The following DCX variants were observed in gnomAD, a reference collection of about 807,000 sequenced individuals.
DCX encodes the protein doublecortin.
DCX carries 4 observed loss-of-function variants against 20.9 expected under a neutral mutation model. The ratio of observed to expected loss-of-function variants is 0.19; its 90% CI spans 0.09 to 0.44. DCX has a LOEUF of 0.44. Among genes scored for constraint, DCX ranks in the 20% least tolerant of loss-of-function variants. The pLI, the probability that DCX is intolerant of heterozygous loss-of-function variation, is 0.99. For synonymous variants in DCX, 103 were observed against 111.4 expected, an observed-to-expected ratio of 0.92 and a Z score of 0.47; for missense variants, 133 against 296.9, an observed-to-expected ratio of 0.45 and a Z score of 4.06.
In DCX at chrX:111,312,630, GA is replaced by G; in HGVS notation, c.1044+8del. 1 of 1,204,098 alleles carries G rather than the reference GA, an allele frequency of 8.3e-7. No individual in the cohort carries two copies. The highest frequency in any genetic ancestry group is 1.1e-6 in the Non-Finnish European group (1 of 888,528). ...TGCAAAGAGGTTTAGTAAGGTATAA[GA>G]GACATAATACCTTGTGCTTCCGGAG... On this transcript the variant is annotated splice_region_variant and intron_variant, in intron 6 of 6. Transcript: ENST00000636035.
In DCX at chrX:111,316,094, A is replaced by AAT. The variant is rs1556369845; in HGVS notation, c.947-3359_947-3358insAT. Among the ~76,000 whole-genome samples, 35 of 94,446 alleles carry AAT rather than the reference A, an allele frequency of 3.7e-4. 1 individual carries two copies. Among genetic ancestry groups the AAT allele is most frequent in the African/African-American group, 7.3e-4 (14 of 19,136 alleles). 82.0% of individuals were successfully genotyped at this position (94,446 alleles called of 115,157 possible). A position where few individuals can be genotyped will look rare whatever the true frequency, so the allele number is the denominator to read the frequency against. On this transcript the variant is annotated intron_variant, in intron 5 of 6. Transcript: ENST00000636035. ...TAGAGTATAATAAAAAATAAAAAAA[A>AAT]AAAAAAAAAAAAAAAATGTTAAGGG...
intron 3 of DCX, among the ~76,000 whole-genome samples, chrX:111,378,797 CA>C (rs1448715119): frequency 2.2e-4 from 25 of 111,547 alleles, no homozygotes; most frequent in Non-Finnish European, 4.5e-4. Flanking sequence ...GTGTTCCCTC[CA>C]AAATTCAGGG....
chrX:111,307,727 C>T (rs73545261), intron 6 of DCX, among the ~76,000 whole-genome samples: 8,111 of 111,612 alleles, frequency 0.073, 696 homozygotes, highest in African/African-American at 0.25. Context: ...TTTTTCAGGC[C>T]GTACAAAAGG....
At chrX:111,399,351 G>A (rs1050199348) in intron 3 of DCX, among the ~76,000 whole-genome samples, 4 of 111,337 alleles carry the variant, frequency 3.6e-5, no homozygotes, top group African/African-American at 1.3e-4. Flanking sequence ...GGAGTGTGAG[G>A]TTCAGGACAG....
intron 3 of DCX, among the ~76,000 whole-genome samples, chrX:111,334,191 C>T (rs1304190031): frequency 8.9e-6 from 1 of 111,919 alleles, no homozygotes; most frequent in Non-Finnish European, 1.9e-5. Flanking sequence ...ATCACCCCCA[C>T]CTAAGGTTAA....
At chrX:111,402,750 A>ATGTGTGTGTGTATGTGTGTG in intron 2 of DCX, among the ~76,000 whole-genome samples, 1 of 107,245 alleles carries the variant, frequency 9.3e-6, no homozygotes, top group African/African-American at 3.5e-5. Flanking sequence ...GAGGACATTT[A>ATGTGTGTGTGTATGTGTGTG]TGTGTGTGTG....
intron 5 of DCX, among the ~76,000 whole-genome samples, chrX:111,326,381 T>C (rs1224603643): frequency 9.0e-6 from 1 of 111,555 alleles, no homozygotes; most frequent in Non-Finnish European, 1.9e-5. Context: ...CAAAGTTACA[T>C]AAAGGGAAAA....
intron 3 of DCX, among the ~76,000 whole-genome samples, chrX:111,366,064 T>G (rs1174347095): frequency 1.8e-5 from 2 of 112,460 alleles, no homozygotes; most frequent in African/African-American, 6.5e-5. Context: ...TTGAGAACCA[T>G]TGGTTGAATA....
In DCX at chrX:111,327,680, TAG is replaced by T. The variant is rs199890953; in HGVS notation, c.946+3222_946+3223del. On this transcript the variant is annotated intron_variant, in intron 5 of 6. Coordinates refer to ENST00000636035, the MANE Select transcript of DCX (RefSeq NM_001195553.2). ...AGGAAGTGGCGTAGCTGGGACTTCT[TAG>T]AGAGTCATCTCCCTCTCCTCTTTCA... is the stretch of plus-strand genomic sequence containing the variant. 6.9e-3 allele frequency among the ~76,000 whole-genome samples: 775 copies of T among 112,333 alleles called. 6 individuals carry two copies. Among genetic ancestry groups the T allele is most frequent in the African/African-American group, 0.024 (735 of 30,944 alleles).
At chrX:111,410,615 G>C in intron 1 of DCX, 195 bp from the exon 2 acceptor site, 1 of 836,033 alleles carries the variant, frequency 1.2e-6, no homozygotes, top group Admixed American at 2.4e-5. Context: ...GATCTTAATA[G>C]AGAAGAAGGA....
In DCX at chrX:111,399,982, AG is replaced by A. The variant is rs1204240722; in HGVS notation, c.705+1007del. ...CATTACTATCAGAAATTATAGGAGG[AG>A]GCACAGGTCTGCATTTGAACACTCA... is the stretch of plus-strand genomic sequence containing the variant. On this transcript the variant is annotated intron_variant, in intron 3 of 6. Coordinates refer to ENST00000636035, the MANE Select transcript of DCX (RefSeq NM_001195553.2). Among the ~76,000 whole-genome samples the A allele has an allele frequency of 2.7e-5, 3 of 112,200 alleles. No individual in the cohort carries two copies. In the East Asian group the frequency reaches 8.4e-4, roughly 31 times the overall value.
In DCX at chrX:111,300,616, C is replaced by CTT. The variant is rs34693940; in HGVS notation, c.*1069_*1070dup. ...ATTTCTAAACTACATTATTCTTCTG[C>CTT]TTTTTTTTTTTTTTTTGGTAAATTT... On this transcript the variant is annotated 3_prime_UTR_variant, in exon 7 of 7. Coordinates refer to ENST00000636035, the MANE Select transcript of DCX (RefSeq NM_001195553.2). 42 of 85,693 alleles carry CTT rather than the reference C, an allele frequency of 4.9e-4. No individual in the cohort carries two copies. The highest frequency in any genetic ancestry group is 1.4e-3 in the African/African-American group (34 of 23,625). 7.1% of individuals were successfully genotyped at this position (85,693 alleles called of 1,213,427 possible). A position where few individuals can be genotyped will look rare whatever the true frequency, so the allele number is the denominator to read the frequency against.
intron 3 of DCX, among the ~76,000 whole-genome samples, chrX:111,399,071 A>G (rs1179674910): frequency 2.7e-5 from 3 of 111,109 alleles, no homozygotes; most frequent in African/African-American, 9.8e-5. Context: ...CCAAATTCAC[A>G]CCACTGCACT....
chrX:111,330,118 T>C (rs1921080744), intron 5 of DCX, among the ~76,000 whole-genome samples: 1 of 112,125 alleles, frequency 8.9e-6, no homozygotes, highest in Non-Finnish European at 1.9e-5. Flanking sequence ...CACATCAGAA[T>C]GCAAATCAAC....
chrX:111,358,750 A>G, intron 3 of DCX, among the ~76,000 whole-genome samples: 1 of 112,015 alleles, frequency 8.9e-6, no homozygotes, highest in Middle Eastern at 4.7e-3. Flanking sequence ...CTGCAATAAG[A>G]TAGTTCAACA....
intron 3 of DCX, among the ~76,000 whole-genome samples, chrX:111,335,708 GA>G (rs1280041318): frequency 4.5e-5 from 5 of 112,278 alleles, no homozygotes; most frequent in Admixed American, 9.4e-5. Context: ...AGCACTTTGG[GA>G]GGCCAAGGCA....
At chrX:111,348,298 C>T (rs949688491) in intron 3 of DCX, among the ~76,000 whole-genome samples, 2 of 112,057 alleles carry the variant, frequency 1.8e-5, no homozygotes, top group African/African-American at 6.5e-5. Context: ...GAAAGAAGGG[C>T]ACAGAGGGGA....
rs751209996 is a variant in DCX at position 111,331,153 on chromosome X, G to A, written c.809-112C>T. 12 of 899,588 alleles carry A rather than the reference G, an allele frequency of 1.3e-5. No homozygotes were observed. In the African/African-American group the frequency reaches 2.2e-4, roughly 16 times the overall value. The allele number at this position is 899,588 out of a possible 1,213,427, so 74.1% of individuals were successfully genotyped here. ...AGGCCAAAGGACCTAAATGGGTCAG[G>A]ACTACAATGTGGTCCTTATTATTAG... On this transcript the variant is annotated intron_variant, in intron 4 of 6. Coordinates refer to ENST00000636035, the MANE Select transcript of DCX (RefSeq NM_001195553.2).
At chrX:111,350,651 G>A (rs187599862) in intron 3 of DCX, among the ~76,000 whole-genome samples, 2 of 111,941 alleles carry the variant, frequency 1.8e-5, no homozygotes, top group East Asian at 2.8e-4. Context: ...GTTCTTCAGC[G>A]ATCTCCTGCT....
Sources: allele counts gnomAD v4.1 joint callset (sites outside exome capture counted in the v4.1 genomes callset), GRCh38; gene constraint gnomAD v4.1.1; transcripts MANE v1.5; gene names NCBI Gene and HGNC (gene_info 2026-07-23, HGNC 2026-07-21).